ANKFN1: variants seen among roughly 807,000 people sequenced by gnomAD.
ANKFN1 encodes the protein ankyrin repeat and fibronectin type-III domain-containing protein 1.
A neutral mutation model predicts 108.7 loss-of-function variants in ANKFN1; 74 were observed. That is an observed-to-expected ratio of 0.68 (90% CI 0.56 to 0.83). The LOEUF is 0.83. Ranked by LOEUF, ANKFN1 falls within the 40% of genes least tolerant of loss-of-function variation. ANKFN1 has a pLI of 0.00. For synonymous variants in ANKFN1, 547 were observed against 516.2 expected (o/e 1.06, Z -0.81); for missense variants, 1,505 against 1,382.3 (o/e 1.09, Z -1.41).
intron 1 of ANKFN1, chr17:56,195,197 T>C (rs1373188629): frequency 1.3e-5 from 2 of 152,216 alleles, no homozygotes; most frequent in Admixed American, 6.5e-5. Flanking sequence ...CTTTCGGAAG[T>C]TGAATGGCTT....
chr17:56,163,523 G>T (rs527599238), intron 1 of ANKFN1, among the ~76,000 whole-genome samples: 2 of 152,190 alleles, frequency 1.3e-5, no homozygotes, highest in African/African-American at 4.8e-5. Flanking sequence ...ATACCTGTGG[G>T]CTTCTTCCAT....
chr17:56,350,770 T>A lies in ANKFN1; in HGVS notation c.193T>A (p.Cys65Ser), dbSNP rs2144668776. The change falls in exon 5 of 21, where the codon TGT becomes AGT. Residue 65 changes from cysteine to serine, a missense_variant. Physicochemically the swap from Cys to Ser is moderately radical, Grantham distance 112 (BLOSUM62 -1). Transcript: ENST00000682825. ...SAASNSINWNCRVKMTQQMQN... is the reference protein window; with the variant it reads ...SAASNSINWNSRVKMTQQMQN... ...ATCGGACTTTCCTCTTCTTAGGAATTGTCGTGTGAAAATGACGCAACAAAT... is the reference window on the plus strand; with the variant it reads ...ATCGGACTTTCCTCTTCTTAGGAATAGTCGTGTGAAAATGACGCAACAAAT... The A allele has an allele frequency of 1.2e-6, 2 of 1,613,550 alleles. No homozygotes were observed. Among genetic ancestry groups the A allele is most frequent in the Middle Eastern group, 1.7e-4 (1 of 6,050 alleles).
chr17:56,197,287 A>G (rs1913610142), intron 1 of ANKFN1, among the ~76,000 whole-genome samples: 2 of 152,210 alleles, frequency 1.3e-5, no homozygotes, highest in Admixed American at 1.3e-4. Context: ...ATTACAGTGG[A>G]ACTTAGTTAT....
At position 56,053,798 on chromosome 17, in the gene ANKFN1, A is replaced by C. The variant is rs74441307; in HGVS notation, c.288+7473A>C. On this transcript the variant is annotated intron_variant, in intron 4 of 12. Coordinates refer to the ANKFN1 transcript ENST00000635860. ...AGTGCATGTAGGTTCCCTTTTCTCC[A>C]CATCTTCACCAGCATTTGATGTTGG... 8.5e-4 allele frequency among the ~76,000 whole-genome samples: 130 copies of C among 152,234 alleles called. 1 individual carries two copies. The East Asian group carries it at 0.017, about 19-fold the overall frequency.
intron 3 of ANKFN1, among the ~76,000 whole-genome samples, chr17:56,239,688 C>T (rs1243328248): frequency 1.3e-5 from 2 of 152,128 alleles, no homozygotes; most frequent in African/African-American, 4.8e-5. Flanking sequence ...AAGGATTAGA[C>T]ATTTTCGCTC....
chr17:56,274,177 G>C (rs2043858465), intron 3 of ANKFN1, among the ~76,000 whole-genome samples: 1 of 152,212 alleles, frequency 6.6e-6, no homozygotes, highest in Non-Finnish European at 1.5e-5. Flanking sequence ...TCTTTGACAA[G>C]GGAGGAGTCA....
intron 8 of ANKFN1, among the ~76,000 whole-genome samples, chr17:56,439,134 C>T (rs1568001903): frequency 6.6e-6 from 1 of 152,126 alleles, no homozygotes; most frequent in Non-Finnish European, 1.5e-5. Context: ...GCGAGATGCC[C>T]AGGAACATTC....
At chr17:56,106,438 A>G (rs1905752889) in intron 4 of ANKFN1, among the ~76,000 whole-genome samples, 1 of 152,232 alleles carries the variant, frequency 6.6e-6, no homozygotes, top group South Asian at 2.1e-4. Context: ...CCCCTTACCG[A>G]TAAAACAGAG....
chr17:56,502,120 T>C lies in ANKFN1; in HGVS notation c.2644+3022T>C, dbSNP rs77413322. ...GGCAGGAAAGCTATGTATGCTACGATGTCCCACAATTTGTTTAACTCTACA... is the reference window on the plus strand; with the variant it reads ...GGCAGGAAAGCTATGTATGCTACGACGTCCCACAATTTGTTTAACTCTACA... On this transcript the variant is annotated intron_variant, in intron 20 of 20. Transcript: ENST00000682825. 3.1e-3 allele frequency among the ~76,000 whole-genome samples: 479 copies of C among 152,320 alleles called. 2 individuals are homozygous for C. The highest frequency in any genetic ancestry group is 0.011 in the South Asian group (52 of 4,832).
chr17:56,078,817 G>T (rs561819935), intron 4 of ANKFN1, among the ~76,000 whole-genome samples: 4 of 152,136 alleles, frequency 2.6e-5, no homozygotes, highest in African/African-American at 9.7e-5. Flanking sequence ...TCTGAGTCTC[G>T]ATGTATGTGG....
At chr17:56,428,914 C>A (rs2048665292) in intron 8 of ANKFN1, among the ~76,000 whole-genome samples, 1 of 149,676 alleles carries the variant, frequency 6.7e-6, no homozygotes, top group Non-Finnish European at 1.5e-5. Flanking sequence ...AAGTGACTCT[C>A]ATTTTATTCA....
chr17:56,482,736 C>T, intron 18 of ANKFN1: 2 of 443,212 alleles, frequency 4.5e-6, no homozygotes, highest in East Asian at 3.6e-5. Flanking sequence ...CTAGCAAAGG[C>T]CCAATGGAGA....
At chr17:56,142,872 A>G (rs1219895341) in intron 4 of ANKFN1, among the ~76,000 whole-genome samples, 1 of 151,606 alleles carries the variant, frequency 6.6e-6, no homozygotes, top group Non-Finnish European at 1.5e-5. Flanking sequence ...CCCTACTCAC[A>G]CTCCACACAA....
intron 1 of ANKFN1, among the ~76,000 whole-genome samples, chr17:56,164,491 G>A (rs1328023772): frequency 2.0e-5 from 3 of 152,098 alleles, no homozygotes; most frequent in Non-Finnish European, 4.4e-5. Flanking sequence ...TCTCCAGCCC[G>A]TAGCACAGTA....
At chr17:56,066,606 T>C (rs74868656) in intron 4 of ANKFN1, among the ~76,000 whole-genome samples, 5,059 of 152,306 alleles carry the variant, frequency 0.033, 273 homozygotes, top group African/African-American at 0.12. Flanking sequence ...ATGCATAACA[T>C]GACGTGTATC....
intron 1 of ANKFN1, among the ~76,000 whole-genome samples, chr17:56,159,655 C>G (rs1909459063): frequency 6.6e-6 from 1 of 152,188 alleles, no homozygotes; most frequent in Non-Finnish European, 1.5e-5. Flanking sequence ...CTACCCTCCC[C>G]CTTTCCAAGA....
chr17:56,103,118 A>G (rs1905679559), intron 4 of ANKFN1, among the ~76,000 whole-genome samples: 1 of 152,218 alleles, frequency 6.6e-6, no homozygotes, highest in Admixed American at 6.5e-5. Context: ...AAAATGAGCA[A>G]AAATGCTGAC....
chr17:56,285,025 G>A (rs950970428), intron 3 of ANKFN1, among the ~76,000 whole-genome samples: 9 of 152,140 alleles, frequency 5.9e-5, no homozygotes, highest in Non-Finnish European at 1.0e-4. Context: ...TTTCTTCTGT[G>A]ACCTATAAAT....
At chr17:56,265,989 T>C (rs2043639505) in intron 3 of ANKFN1, among the ~76,000 whole-genome samples, 1 of 152,180 alleles carries the variant, frequency 6.6e-6, no homozygotes. Context: ...GAGGCACACA[T>C]GTAAAAAGGT....
Sources: gnomAD v4.1 joint callset for allele counts (sites outside exome capture counted in the v4.1 genomes callset) on GRCh38, gnomAD v4.1.1 for gene constraint, MANE v1.5 for transcripts, NCBI Gene and HGNC (gene_info 2026-07-23, HGNC 2026-07-21) for gene names.